The following BCKDHB variants were observed in gnomAD, a reference collection of about 807,000 sequenced individuals.
The protein encoded by BCKDHB is 2-oxoisovalerate dehydrogenase subunit beta, mitochondrial.
In BCKDHB, 41 loss-of-function variants were observed where a neutral mutation model predicts 48.5. The ratio of observed to expected loss-of-function variants is 0.85; its 90% CI spans 0.66 to 1.10. The LOEUF is 1.10. Ranked by LOEUF, BCKDHB falls within the 50% of genes least tolerant of loss-of-function variation. The pLI, the probability that BCKDHB is intolerant of heterozygous loss-of-function variation, is 0.00. For missense variants in BCKDHB, 496 were observed against 494.2 expected, an observed-to-expected ratio of 1.00 and a Z score of -0.03; for synonymous variants, 201 against 174.8, an observed-to-expected ratio of 1.15 and a Z score of -1.18.
intron 3 of BCKDHB, among the ~76,000 whole-genome samples, chr6:80,138,071 G>A (rs1582212399): frequency 6.6e-6 from 1 of 152,092 alleles, no homozygotes; most frequent in Non-Finnish European, 1.5e-5. Flanking sequence ...GATAGAAGGA[G>A]ACCCAGACTC....
intron 9 of BCKDHB, among the ~76,000 whole-genome samples, chr6:80,327,865 C>T (rs1309568176): frequency 6.6e-6 from 1 of 151,702 alleles, no homozygotes; most frequent in Non-Finnish European, 1.5e-5. Flanking sequence ...TTAATGTCTT[C>T]CTTTCTCTTT....
At chr6:80,259,072 C>A (rs1247198660) in intron 8 of BCKDHB, among the ~76,000 whole-genome samples, 1 of 152,174 alleles carries the variant, frequency 6.6e-6, no homozygotes, top group African/African-American at 2.4e-5. Context: ...GTATTGAAGG[C>A]AGTGTAGATA....
chr6:80,464,439 C>A, the BCKDHB span, among the ~76,000 whole-genome samples: 6 of 152,012 alleles, frequency 3.9e-5, no homozygotes, highest in Non-Finnish European at 5.9e-5. Context: ...ATCTTTAAAT[C>A]TTTAGTGATT....
the BCKDHB span, chr6:80,356,932 T>TCCCCCCCCCCCCCCCCCCCC: frequency 1.3e-5 from 1 of 75,332 alleles, no homozygotes; most frequent in African/African-American, 5.3e-5. Flanking sequence ...TCTCTCTCTC[T>TCCCCCCCCCCCCCCCCCCCC]CTCCCCCGCC....
At chr6:80,318,686 TAAA>T (rs756830332) in intron 9 of BCKDHB, among the ~76,000 whole-genome samples, 1 of 117,194 alleles carries the variant, frequency 8.5e-6, no homozygotes, top group Non-Finnish European at 1.8e-5. Flanking sequence ...CTCTCTCTCT[TAAA>T]AAAAAAAAAA....
intron 3 of BCKDHB, among the ~76,000 whole-genome samples, chr6:80,130,509 C>A (rs1165592008): frequency 6.6e-6 from 1 of 152,146 alleles, no homozygotes; most frequent in African/African-American, 2.4e-5. Flanking sequence ...GTTTCTGGAT[C>A]CAGTCCGTCT....
the BCKDHB span, among the ~76,000 whole-genome samples, chr6:80,425,038 C>G: frequency 6.6e-6 from 1 of 152,152 alleles, no homozygotes; most frequent in Non-Finnish European, 1.5e-5. Flanking sequence ...TTATAGATGA[C>G]TGTCTGAAAA....
At chr6:80,222,772 C>G (rs1390174030) in intron 8 of BCKDHB, among the ~76,000 whole-genome samples, 1 of 152,090 alleles carries the variant, frequency 6.6e-6, no homozygotes, top group Non-Finnish European at 1.5e-5. Flanking sequence ...GGCTAAGAAT[C>G]GTGAAGTAGG....
At chr6:80,378,045 A>G in the BCKDHB span, among the ~76,000 whole-genome samples, 3 of 152,124 alleles carry the variant, frequency 2.0e-5, no homozygotes, top group African/African-American at 7.2e-5. Flanking sequence ...TCCTTTGATA[A>G]ATTTACTGCA....
At position 80,346,091 on chromosome 6, in the gene BCKDHB, T is replaced by C. The variant is rs1156404491; in HGVS notation, c.*2287T>C. The C allele has an allele frequency of 6.6e-6, 1 of 152,200 alleles. No individual in the cohort carries two copies. The highest frequency in any genetic ancestry group is 2.4e-5 in the African/African-American group (1 of 41,458). 9.4% of individuals were successfully genotyped at this position (152,200 alleles called of 1,614,324 possible). A position where few individuals can be genotyped will look rare whatever the true frequency, so the allele number is the denominator to read the frequency against. The stretch of plus-strand genomic sequence containing the variant: ...TTTTATTAAGTGAACCATCACGATA[T>C]TGGCTGAAAAGTTCTACATTCTATT... On this transcript the variant is annotated 3_prime_UTR_variant, in exon 10 of 10. Transcript: ENST00000320393.
chr6:80,456,227 G>GA, the BCKDHB span, among the ~76,000 whole-genome samples: 2,242 of 138,328 alleles, frequency 0.016, 23 homozygotes, highest in Non-Finnish European at 0.024. Context: ...AAAAAAGAAA[G>GA]AAAGAAAAAA....
intron 3 of BCKDHB, among the ~76,000 whole-genome samples, chr6:80,154,571 T>A (rs2127758295): frequency 6.6e-6 from 1 of 152,282 alleles, no homozygotes; most frequent in African/African-American, 2.4e-5. Flanking sequence ...TAGTAGTCTC[T>A]AATCTAGTAA....
At chr6:80,407,161 G>T in the BCKDHB span, among the ~76,000 whole-genome samples, 1 of 152,082 alleles carries the variant, frequency 6.6e-6, no homozygotes, top group Non-Finnish European at 1.5e-5. Flanking sequence ...AGATTAGATG[G>T]ATATAGATGT....
intron 6 of BCKDHB, among the ~76,000 whole-genome samples, chr6:80,189,432 T>G (rs1198841497): frequency 1.3e-4 from 20 of 152,338 alleles, no homozygotes; most frequent in Non-Finnish European, 1.5e-5. Flanking sequence ...ATAAGAATTC[T>G]AATAATATAG....
the BCKDHB span, among the ~76,000 whole-genome samples, chr6:80,385,524 C>T: frequency 6.6e-6 from 1 of 152,206 alleles, no homozygotes; most frequent in Non-Finnish European, 1.5e-5. Context: ...GTAGTGGCAA[C>T]ATCCCCTCCC....
chr6:80,205,333 C>T (rs888477396), intron 8 of BCKDHB, among the ~76,000 whole-genome samples: 5 of 151,800 alleles, frequency 3.3e-5, no homozygotes, highest in African/African-American at 4.8e-5. Context: ...TGTGTTTTAT[C>T]AGTTGTTTTT....
chr6:80,162,847 C>G (rs543338577), intron 3 of BCKDHB, among the ~76,000 whole-genome samples: 1 of 152,106 alleles, frequency 6.6e-6, no homozygotes, highest in Non-Finnish European at 1.5e-5. Context: ...GAGACTACAT[C>G]TCAAAACAAA....
At chr6:80,333,325 G>C (rs1333741962) in intron 9 of BCKDHB, among the ~76,000 whole-genome samples, 1 of 152,132 alleles carries the variant, frequency 6.6e-6, no homozygotes, top group Non-Finnish European at 1.5e-5. Context: ...ACTACATAAA[G>C]TTGTTGAAAG....
rs368655380 is a variant in BCKDHB at position 80,130,972 on chromosome 6, A to AGC, written c.343+1743_343+1744insGC. Among the ~76,000 whole-genome samples the AGC allele has an allele frequency of 1.7e-3, 263 of 152,258 alleles. 1 individual carries two copies. Among genetic ancestry groups the AGC allele is most frequent in the African/African-American group, 6.0e-3 (249 of 41,556 alleles). On this transcript the variant is annotated intron_variant, in intron 3 of 9. Transcript: ENST00000320393. ...CTTTCTGAATAGCTAATATTTATTC[A>AGC]ACTCACTGCGTCAGGTACTGTTCTG...
Sources: gnomAD v4.1 joint callset for allele counts (sites outside exome capture counted in the v4.1 genomes callset) on GRCh38, gnomAD v4.1.1 for gene constraint, MANE v1.5 for transcripts, NCBI Gene and HGNC (gene_info 2026-07-23, HGNC 2026-07-21) for gene names.